ARSG: variants seen among roughly 807,000 people sequenced by gnomAD.
ARSG encodes ASG.
ARSG carries 37 observed loss-of-function variants against 50.5 expected under a neutral mutation model. The observed-to-expected ratio is 0.73, with a 90% CI of 0.56 to 0.96. The LOEUF (loss-of-function observed/expected upper bound fraction) is 0.96, where lower values mean the gene tolerates loss of function less well. Ranked by LOEUF, ARSG falls within the 50% of genes least tolerant of loss-of-function variation. The pLI is 0.00. For synonymous variants in ARSG, 225 were observed against 254.6 expected (o/e 0.88, Z 1.11); for missense variants, 629 against 675.3 (o/e 0.93, Z 0.76).
the ARSG span, among the ~76,000 whole-genome samples, chr17:68,433,775 T>TTTTTTG: frequency 3.3e-5 from 2 of 61,516 alleles, no homozygotes; most frequent in African/African-American, 1.0e-4. Context: ...TTTTTTTTTT[T>TTTTTTG]TTTTTTTTTT....
chr17:68,266,448 A>G (rs1334766883), intron 1 of ARSG, among the ~76,000 whole-genome samples: 1 of 95,372 alleles, frequency 1.0e-5, no homozygotes, highest in Non-Finnish European at 2.2e-5. Context: ...TTTTTTTTGT[A>G]TAAAAAGTAT....
the ARSG span, chr17:68,430,178 G>A: frequency 1.2e-6 from 2 of 1,603,110 alleles, no homozygotes; most frequent in South Asian, 2.2e-5. Context: ...GTAATGCACA[G>A]GCAACGATGG....
intron 8 of ARSG, among the ~76,000 whole-genome samples, chr17:68,371,360 T>TAAG (rs2146759422): frequency 7.0e-6 from 1 of 143,150 alleles, no homozygotes; most frequent in South Asian, 2.2e-4. Context: ...TCAGAGAGGG[T>TAAG]AAGTAATTTG....
intron 1 of ARSG, chr17:68,269,083 G>C (rs782557785): frequency 5.8e-6 from 9 of 1,553,532 alleles, no homozygotes; most frequent in Non-Finnish European, 7.8e-6. Context: ...GGCTGTTGTT[G>C]TAAGAAAGTG....
chr17:68,401,289 T>C lies in ARSG; in HGVS notation c.1213-71T>C, dbSNP rs1021987675. 109 of 1,375,534 alleles carry C rather than the reference T, an allele frequency of 7.9e-5. 2 individuals carry two copies. Among genetic ancestry groups the C allele is most frequent in the South Asian group, 2.1e-4 (18 of 83,984 alleles). The allele number at this position is 1,375,534 out of a possible 1,614,324, so 85.2% of individuals were successfully genotyped here. A position where few individuals can be genotyped will look rare whatever the true frequency, so the allele number is the denominator to read the frequency against. ...CCTCCTGCCTCGACCTCCCAAGGTA[T>C]TGGGATTACAGGCATGAGTCACCGA... is the stretch of plus-strand genomic sequence containing the variant. On this transcript the variant is annotated intron_variant, in intron 10 of 11. Coordinates refer to ENST00000621439, the MANE Select transcript of ARSG (RefSeq NM_001267727.2).
chr17:68,285,900 C>T (rs371502711), intron 1 of ARSG, among the ~76,000 whole-genome samples: 3 of 152,024 alleles, frequency 2.0e-5, no homozygotes, highest in African/African-American at 7.2e-5. Context: ...GCTGGGATTA[C>T]AGACGCCCGC....
At chr17:68,282,400 T>G (rs2075721769) in intron 1 of ARSG, among the ~76,000 whole-genome samples, 2 of 151,690 alleles carry the variant, frequency 1.3e-5, no homozygotes. Context: ...ATACCTAATG[T>G]TAAATGACGA....
the ARSG span, chr17:68,444,490 C>T: frequency 6.2e-7 from 1 of 1,611,764 alleles, no homozygotes; most frequent in African/African-American, 1.3e-5. Context: ...TTTTGGAGCT[C>T]ACCTGTTGGG....
At chr17:68,393,945 T>G (rs75842965) in intron 9 of ARSG, among the ~76,000 whole-genome samples, 3,597 of 152,028 alleles carry the variant, frequency 0.024, 148 homozygotes, top group African/African-American at 0.082. Context: ...AATCTTCTAT[T>G]TTTTTGTTTT....
At chr17:68,400,033 G>T (rs749951649) in intron 10 of ARSG, 30 of 152,402 alleles carry the variant, frequency 2.0e-4, no homozygotes, top group Middle Eastern at 3.4e-3. Flanking sequence ...AGCCGCAGGT[G>T]TGGGGAGGAG....
the ARSG span, chr17:68,433,572 A>C: frequency 6.2e-7 from 1 of 1,613,794 alleles, no homozygotes; most frequent in Non-Finnish European, 8.5e-7. Flanking sequence ...TGATTGTCAC[A>C]TACCTACAAG....
At chr17:68,432,063 A>T in the ARSG span, among the ~76,000 whole-genome samples, 1 of 152,224 alleles carries the variant, frequency 6.6e-6, no homozygotes, top group African/African-American at 2.4e-5. Flanking sequence ...AAATCCTAAA[A>T]AGTGGATATA....
At chr17:68,398,866 A>G (rs781727223) in intron 10 of ARSG, among the ~76,000 whole-genome samples, 73 of 152,122 alleles carry the variant, frequency 4.8e-4, no homozygotes, top group Admixed American at 2.4e-3. Context: ...TCTGATCTTG[A>G]TGGGTCTGTG....
At chr17:68,279,725 T>C (rs1378707382) in intron 1 of ARSG, among the ~76,000 whole-genome samples, 1 of 152,202 alleles carries the variant, frequency 6.6e-6, no homozygotes, top group Non-Finnish European at 1.5e-5. Flanking sequence ...GTCTTCTGGA[T>C]TGGGCTCTAG....
At chr17:68,328,554 C>T (rs2077595829) in intron 2 of ARSG, among the ~76,000 whole-genome samples, 1 of 152,178 alleles carries the variant, frequency 6.6e-6, no homozygotes, top group South Asian at 2.1e-4. Context: ...TTATTATCCA[C>T]ATATGACAGT....
chr17:68,386,449 T>C (rs2080728210), intron 9 of ARSG, among the ~76,000 whole-genome samples: 1 of 151,944 alleles, frequency 6.6e-6, no homozygotes, highest in East Asian at 1.9e-4. Flanking sequence ...AGACTCAAAG[T>C]CCAGGGGAAA....
chr17:68,416,124 TC>T (rs2082352490), intron 11 of ARSG, among the ~76,000 whole-genome samples: 2 of 152,228 alleles, frequency 1.3e-5, no homozygotes, highest in Non-Finnish European at 2.9e-5. Context: ...GTTTTATAGG[TC>T]CTGTGAGCTT....
At chr17:68,412,081 C>CAGTCTGTG (rs2082033712) in intron 11 of ARSG, among the ~76,000 whole-genome samples, 1 of 152,204 alleles carries the variant, frequency 6.6e-6, no homozygotes, top group Non-Finnish European at 1.5e-5. Flanking sequence ...TCCAATTTGC[C>CAGTCTGTG]AGTCTGTGTC....
chr17:68,297,636 AT>A, intron 1 of ARSG, among the ~76,000 whole-genome samples: 1 of 151,928 alleles, frequency 6.6e-6, no homozygotes. Flanking sequence ...AATTAAAAAA[AT>A]TTTTTTTCTA....
Sources: allele counts gnomAD v4.1 joint callset (sites outside exome capture counted in the v4.1 genomes callset), GRCh38; gene constraint gnomAD v4.1.1; transcripts MANE v1.5; gene names NCBI Gene and HGNC (gene_info 2026-07-23, HGNC 2026-07-21).